SMC6: variants seen among roughly 807,000 people sequenced by gnomAD.
SMC6 encodes structural maintenance of chromosomes 6.
A neutral mutation model predicts 142.2 loss-of-function variants in SMC6; 79 were observed. The ratio of observed to expected loss-of-function variants is 0.56; its 90% CI spans 0.46 to 0.67. The LOEUF is 0.67. SMC6 is among the 30% of genes least tolerant of loss of function. The pLI is 0.00. For synonymous variants in SMC6, 411 were observed against 412.4 expected, an observed-to-expected ratio of 1.00 and a Z score of 0.04; for missense variants, 1,072 against 1,284.0, an observed-to-expected ratio of 0.83 and a Z score of 2.52.
chr2:17,672,241 T>C (rs1666793902), intron 25 of SMC6, among the ~76,000 whole-genome samples: 1 of 152,174 alleles, frequency 6.6e-6, no homozygotes, highest in Non-Finnish European at 1.5e-5. Context: ...CTCTCATCTA[T>C]TACTAACATA....
chr2:17,694,977 A>T lies in SMC6; in HGVS notation c.2678+175T>A, dbSNP rs200473663. Among the ~76,000 whole-genome samples the T allele has an allele frequency of 3.9e-5, 6 of 152,234 alleles. No individual in the cohort carries two copies. In the East Asian group the frequency reaches 7.7e-4, roughly 20 times the overall value. ...ATAATGAGTTTTGTAATAGTTCAGA[A>T]GAAAAAAGGTTACTATTTATTGAGA... On this transcript the variant is annotated intron_variant, in intron 23 of 27. Transcript: ENST00000448223.
chr2:17,710,350 A>G (rs957257549), intron 16 of SMC6, among the ~76,000 whole-genome samples: 1 of 152,222 alleles, frequency 6.6e-6, no homozygotes, highest in Non-Finnish European at 1.5e-5. Flanking sequence ...TATGGCTTTC[A>G]GACATGGTAA....
At chr2:17,669,839 C>A (rs956409455) in intron 26 of SMC6, among the ~76,000 whole-genome samples, 1 of 152,106 alleles carries the variant, frequency 6.6e-6, no homozygotes, top group Non-Finnish European at 1.5e-5. Flanking sequence ...ACCATTTGAG[C>A]CTCACTCTAA....
rs774174538 is a variant in SMC6 at position 17,703,946 on chromosome 2, TG to T, written c.2007-655del. ...AGTCAACAGTAGGCTATTAAGTTTT[TG>T]GGGAGTTAAAAGTTATATAGACTTT... On this transcript the variant is annotated intron_variant, in intron 18 of 27. Transcript: ENST00000448223. 5.8e-4 allele frequency among the ~76,000 whole-genome samples: 89 copies of T among 152,204 alleles called. 1 individual carries two copies. In the Middle Eastern group the frequency reaches 0.024, roughly 41 times the overall value.
intron 23 of SMC6, among the ~76,000 whole-genome samples, chr2:17,694,289 C>T (rs1667888997): frequency 6.6e-6 from 1 of 152,094 alleles, no homozygotes; most frequent in Admixed American, 6.6e-5. Flanking sequence ...TGTTTGATAG[C>T]ACAGTAGGGT....
intron 8 of SMC6, among the ~76,000 whole-genome samples, 198 bp from the exon 9 acceptor site, chr2:17,725,556 C>T (rs1012441408): frequency 6.6e-6 from 1 of 152,172 alleles, no homozygotes; most frequent in African/African-American, 2.4e-5. Context: ...ACTATGCTCA[C>T]ATCCACATGT....
At chr2:17,689,285 G>A (rs930995986) in intron 23 of SMC6, among the ~76,000 whole-genome samples, 10 of 151,978 alleles carry the variant, frequency 6.6e-5, no homozygotes, top group African/African-American at 2.4e-4. Context: ...TCAAAACAAA[G>A]AGCATTCTGT....
chr2:17,732,783 A>C (rs576442477), intron 5 of SMC6, among the ~76,000 whole-genome samples: 1 of 152,296 alleles, frequency 6.6e-6, no homozygotes, highest in African/African-American at 2.4e-5. Flanking sequence ...AAAATAGTAC[A>C]ATGCAGCTAA....
At chr2:17,674,726 C>A (rs1479858245) in intron 25 of SMC6, among the ~76,000 whole-genome samples, 1 of 152,120 alleles carries the variant, frequency 6.6e-6, no homozygotes, top group African/African-American at 2.4e-5. Flanking sequence ...TAGGTATATA[C>A]AAATTAAAAA....
At chr2:17,696,829 A>G (rs1379277030) in intron 21 of SMC6, among the ~76,000 whole-genome samples, 1 of 152,182 alleles carries the variant, frequency 6.6e-6, no homozygotes, top group African/African-American at 2.4e-5. Flanking sequence ...ATTTAGTCAC[A>G]TCTGGTATAA....
intron 22 of SMC6, among the ~76,000 whole-genome samples, chr2:17,695,940 C>T (rs931744397): frequency 1.3e-5 from 2 of 152,108 alleles, no homozygotes; most frequent in Non-Finnish European, 2.9e-5. Context: ...AAATCTAGCC[C>T]GGCCCACAGC....
Position 17,700,271 on chromosome 2 carries a change from T to C in SMC6, c.2331A>G (p.Glu777=), listed in dbSNP as rs1668205037. 18 of 1,611,436 alleles carry C rather than the reference T, an allele frequency of 1.1e-5. No homozygotes were observed. The highest frequency in any genetic ancestry group is 1.5e-5 in the Non-Finnish European group (18 of 1,178,552). Residue 777 remains glutamate, a synonymous_variant, in exon 21 of 28, where the codon GAA becomes GAG. Transcript: ENST00000448223. ...TGAATTTAATTGCATCATACTTATT[T>C]TCTGCTTCTATTTTCAGACTTTTAA... ...EHLKSLKIEA[E]NKYDAIKFKI...
At chr2:17,684,889 C>T (rs1172886607) in intron 23 of SMC6, among the ~76,000 whole-genome samples, 1 of 151,784 alleles carries the variant, frequency 6.6e-6, no homozygotes, top group Non-Finnish European at 1.5e-5. Context: ...GGAAGGAATA[C>T]CTCAAAGCAG....
chr2:17,726,380 G>A lies in SMC6; in HGVS notation c.624+9C>T. 2 of 1,600,974 alleles carry A rather than the reference G, an allele frequency of 1.2e-6. No individual in the cohort carries two copies. Among genetic ancestry groups the A allele is most frequent in the Non-Finnish European group, 1.7e-6 (2 of 1,171,970 alleles). On this transcript the variant is annotated intron_variant, in intron 8 of 27. Transcript: ENST00000448223. Reference sequence around the variant, plus strand: ...TAAATGGGTTTATATTTACTTTGGTGCCACTTACTTTGTATTTGTCTCCTT... The same window carrying A: ...TAAATGGGTTTATATTTACTTTGGTACCACTTACTTTGTATTTGTCTCCTT...
At chr2:17,716,574 A>G (rs1669096874) in intron 14 of SMC6, among the ~76,000 whole-genome samples, 167 bp downstream of exon 14, 1 of 152,228 alleles carries the variant, frequency 6.6e-6, no homozygotes, top group South Asian at 2.1e-4. Context: ...TGCACTGCCA[A>G]TGAGTTAGCC....
chr2:17,702,877 TTTTC>T (rs1324265597), intron 19 of SMC6, among the ~76,000 whole-genome samples: 1 of 152,240 alleles, frequency 6.6e-6, no homozygotes, highest in Non-Finnish European at 1.5e-5. Flanking sequence ...TTAAACCTCT[TTTTC>T]TTTATTAATT....
chr2:17,695,668 C>T (rs1667953787), intron 22 of SMC6, among the ~76,000 whole-genome samples: 1 of 152,130 alleles, frequency 6.6e-6, no homozygotes, highest in South Asian at 2.1e-4. Flanking sequence ...AAAACACAAA[C>T]AAAGACCCTC....
chr2:17,695,394 C>T, intron 22 of SMC6, 97 bp from the exon 23 acceptor site: 1 of 943,588 alleles, frequency 1.1e-6, no homozygotes. Context: ...ATTCTGAACT[C>T]ATTTTTAAGA....
In SMC6 at chr2:17,696,269, T is replaced by G; in HGVS notation, c.2532+20A>C. The G allele has an allele frequency of 6.3e-7, 1 of 1,578,636 alleles. No individual in the cohort carries two copies. Among genetic ancestry groups the G allele is most frequent in the Non-Finnish European group, 8.5e-7 (1 of 1,170,688 alleles). Reference sequence around the variant, plus strand: ...GGCTAAGGCTGAAAACAAAATAACTTGAAAAAAATGGTGAAAAACCTCTAG... The same window carrying G: ...GGCTAAGGCTGAAAACAAAATAACTGGAAAAAAATGGTGAAAAACCTCTAG... On this transcript the variant is annotated intron_variant, in intron 22 of 27. Transcript: ENST00000448223.
Sources: gnomAD v4.1 joint callset for allele counts (sites outside exome capture counted in the v4.1 genomes callset) on GRCh38, gnomAD v4.1.1 for gene constraint, MANE v1.5 for transcripts, NCBI Gene and HGNC (gene_info 2026-07-23, HGNC 2026-07-21) for gene names.